Variants in TEX11 observed in about 807,000 individuals in gnomAD.
TEX11 encodes the protein testis-expressed protein 11.
A neutral mutation model predicts 84.4 loss-of-function variants in TEX11; 7 were observed. The observed-to-expected ratio is 0.08, with a 90% CI of 0.05 to 0.16. TEX11 has a LOEUF of 0.16. Among genes scored for constraint, TEX11 ranks in the 10% least tolerant of loss-of-function variants. The probability of loss-of-function intolerance (pLI) is 1.00; values close to 1 mark genes in which losing one functional copy is unlikely to be tolerated. For missense variants in TEX11, 551 were observed against 660.5 expected, an observed-to-expected ratio of 0.83 and a Z score of 1.82; for synonymous variants, 264 against 222.8, an observed-to-expected ratio of 1.18 and a Z score of -1.64.
intron 5 of TEX11, among the ~76,000 whole-genome samples, chrX:70,855,610 T>C (rs1048417391): frequency 9.1e-6 from 1 of 110,380 alleles, no homozygotes; most frequent in Non-Finnish European, 1.9e-5. Flanking sequence ...CAGAATTATG[T>C]CCCTTCAAAG....
At chrX:70,770,616 A>C (rs1028283262) in intron 9 of TEX11, among the ~76,000 whole-genome samples, 2 of 111,667 alleles carry the variant, frequency 1.8e-5, no homozygotes, top group African/African-American at 6.5e-5. Context: ...GTTCATGGAT[A>C]TATATCCCAA....
intron 28 of TEX11, among the ~76,000 whole-genome samples, chrX:70,547,014 G>C (rs780459341): frequency 2.2e-5 from 1 of 46,439 alleles, no homozygotes; most frequent in Admixed American, 3.9e-4. Flanking sequence ...CCATTCCCTA[G>C]AATATTATTC....
At chrX:70,844,842 T>C (rs1404635252) in intron 7 of TEX11, among the ~76,000 whole-genome samples, 1 of 108,899 alleles carries the variant, frequency 9.2e-6, no homozygotes, top group Non-Finnish European at 1.9e-5. Flanking sequence ...GGCTGAGGCA[T>C]GAGAACCGCT....
At chrX:70,526,546 G>A (rs1271489503), downstream of TEX11, among the ~76,000 whole-genome samples, 6 of 106,369 alleles carry the variant, frequency 5.6e-5, no homozygotes, top group African/African-American at 2.1e-4. Flanking sequence ...TCCAGCCTGG[G>A]CGACACAGCA....
rs776129715 is a variant in TEX11, at chrX:70,840,093, G to A, written c.526-6500C>T. Among the ~76,000 whole-genome samples, 4 of 111,650 alleles carry A rather than the reference G, an allele frequency of 3.6e-5. No individual in the cohort carries two copies. In the East Asian group the frequency reaches 1.1e-3, roughly 31 times the overall value. ...CAGGAGAAATTCCCCAATCTACCAAGGCAGGCCAACATTCAAATTCAGGAA... is the reference window on the plus strand; with the variant it reads ...CAGGAGAAATTCCCCAATCTACCAAAGCAGGCCAACATTCAAATTCAGGAA... On this transcript the variant is annotated intron_variant, in intron 7 of 29. Coordinates refer to ENST00000374333, the MANE Select transcript of TEX11 (RefSeq NM_031276.3).
intron 17 of TEX11, among the ~76,000 whole-genome samples, chrX:70,650,977 A>T (rs182716911): frequency 8.9e-6 from 1 of 111,793 alleles, no homozygotes; most frequent in Non-Finnish European, 1.9e-5. Context: ...AAATTCCAAG[A>T]CTGTCTACTC....
chrX:70,654,170 G>T (rs1021372060), intron 16 of TEX11, among the ~76,000 whole-genome samples: 1 of 111,181 alleles, frequency 9.0e-6, no homozygotes, highest in Non-Finnish European at 1.9e-5. Flanking sequence ...TGTAAACTAC[G>T]GACTTTAGTT....
At chrX:70,828,146 A>G (rs2091357301) in intron 8 of TEX11, among the ~76,000 whole-genome samples, 1 of 110,832 alleles carries the variant, frequency 9.0e-6, no homozygotes, top group Non-Finnish European at 1.9e-5. Flanking sequence ...TGAGAAGACT[A>G]CAATAAATAC....
At chrX:70,860,395 T>A (rs1036231448) in intron 5 of TEX11, among the ~76,000 whole-genome samples, 2 of 112,043 alleles carry the variant, frequency 1.8e-5, no homozygotes, top group Admixed American at 1.9e-4. Context: ...TATTTTCATC[T>A]TACAAAAGAG....
chrX:70,539,114 A>G (rs2088005800), intron 28 of TEX11, among the ~76,000 whole-genome samples: 1 of 97,808 alleles, frequency 1.0e-5, no homozygotes, highest in Non-Finnish European at 2.0e-5. Context: ...GGCTCATTGC[A>G]ATCTCCGCCT....
At chrX:70,610,610 G>A (rs1213475754) in intron 20 of TEX11, 67 bp from the exon 21 acceptor site, 32 of 1,073,425 alleles carry the variant, frequency 3.0e-5, no homozygotes, top group Non-Finnish European at 3.8e-5. Context: ...AACTAAAAAG[G>A]GACACTATTT....
rs192238159 is a variant in TEX11 at position 70,812,658 on chromosome X, G to A, written c.607-5868C>T. 7.3e-3 allele frequency among the ~76,000 whole-genome samples: 815 copies of A among 111,169 alleles called. 6 individuals are homozygous for A. The highest frequency in any genetic ancestry group is 0.025 in the African/African-American group (756 of 30,551). On this transcript the variant is annotated intron_variant, in intron 8 of 29. Coordinates refer to ENST00000374333, the MANE Select transcript of TEX11 (RefSeq NM_031276.3). ...CTTCAAAAAATTAATGAATCCAGGA[G>A]CTGGTTTTTTGAAAAGATCAACAAA...
intron 9 of TEX11, among the ~76,000 whole-genome samples, chrX:70,760,632 G>C (rs1176530394): frequency 8.9e-6 from 1 of 111,732 alleles, no homozygotes; most frequent in South Asian, 3.8e-4. Flanking sequence ...AGACTTAAAC[G>C]TAAGACCTAA....
chrX:70,529,819 C>A lies in TEX11; in HGVS notation c.2685+16G>T. On this transcript the variant is annotated intron_variant, in intron 29 of 29. Transcript: ENST00000374333. ...CCCTAGGTCATGTCATCTGCCCTAG[C>A]CCTCTCCCTCCTTACCTGAGTTTCA... 8.3e-7 allele frequency: 1 copy of A among 1,198,330 alleles called. No homozygotes were observed.
chrX:70,904,692 C>T (rs973018500), intron 2 of TEX11, among the ~76,000 whole-genome samples: 6 of 111,988 alleles, frequency 5.4e-5, no homozygotes, highest in Non-Finnish European at 9.4e-5. Flanking sequence ...ATGGTAGCCA[C>T]TAGCCACATG....
chrX:70,724,855 G>C (rs2090587283), intron 12 of TEX11, among the ~76,000 whole-genome samples: 1 of 110,811 alleles, frequency 9.0e-6, no homozygotes, highest in South Asian at 3.9e-4. Flanking sequence ...GTACATTCTG[G>C]TCCTTGGAGA....
At chrX:70,776,884 C>T (rs1294625338) in intron 9 of TEX11, among the ~76,000 whole-genome samples, 1 of 111,075 alleles carries the variant, frequency 9.0e-6, no homozygotes, top group African/African-American at 3.3e-5. Context: ...GAAGAGAAGA[C>T]TTGAAATGTT....
At chrX:70,750,026 G>A (rs2090802457) in intron 9 of TEX11, among the ~76,000 whole-genome samples, 1 of 110,858 alleles carries the variant, frequency 9.0e-6, no homozygotes, top group Non-Finnish European at 1.9e-5. Context: ...CTACTCATAT[G>A]ACAAAGGGCT....
chrX:70,764,464 G>A (rs1216960041), intron 9 of TEX11, among the ~76,000 whole-genome samples: 1 of 111,168 alleles, frequency 9.0e-6, no homozygotes, highest in Non-Finnish European at 1.9e-5. Context: ...CAGAAGAAAA[G>A]AAATAATACA....
Sources: allele counts gnomAD v4.1 joint callset (sites outside exome capture counted in the v4.1 genomes callset), GRCh38; gene constraint gnomAD v4.1.1; transcripts MANE v1.5; gene names NCBI Gene and HGNC (gene_info 2026-07-23, HGNC 2026-07-21).